ZNF385D: variants seen among roughly 807,000 people sequenced by gnomAD.
The protein encoded by ZNF385D is zinc finger protein 385D, also known as zinc finger protein 659.
ZNF385D carries 15 observed loss-of-function variants against 35.8 expected under a neutral mutation model. The observed-to-expected ratio is 0.42, with a 90% CI of 0.28 to 0.64. ZNF385D has a LOEUF of 0.64. ZNF385D is among the 30% of genes least tolerant of loss of function. The pLI is 0.23. For synonymous variants in ZNF385D, 212 were observed against 186.8 expected, an observed-to-expected ratio of 1.13 and a Z score of -1.10; for missense variants, 474 against 494.6, an observed-to-expected ratio of 0.96 and a Z score of 0.39.
chr3:22,210,806 C>G, intron 2 of ZNF385D, among the ~76,000 whole-genome samples: 1 of 149,594 alleles, frequency 6.7e-6, no homozygotes, highest in African/African-American at 2.5e-5. Flanking sequence ...ACTCTGGATC[C>G]ATGTACTTGA....
At chr3:21,802,035 G>C (rs776187448) in intron 3 of ZNF385D, among the ~76,000 whole-genome samples, 2 of 152,048 alleles carry the variant, frequency 1.3e-5, no homozygotes, top group Non-Finnish European at 2.9e-5. Context: ...ACTTTTATAG[G>C]AGACGGGGCA....
intron 1 of ZNF385D, among the ~76,000 whole-genome samples, chr3:21,733,278 A>T (rs2069099491): frequency 6.6e-6 from 1 of 152,012 alleles, no homozygotes; most frequent in Non-Finnish European, 1.5e-5. Flanking sequence ...CAATATCTTG[A>T]TTATTGTAGC....
At chr3:22,235,506 T>C (rs2125304705) in intron 2 of ZNF385D, among the ~76,000 whole-genome samples, 1 of 152,126 alleles carries the variant, frequency 6.6e-6, no homozygotes, top group Admixed American at 6.6e-5. Context: ...CCCAAAACAA[T>C]GCCAAAATGA....
At chr3:22,297,264 A>C (rs1042224743) in intron 2 of ZNF385D, among the ~76,000 whole-genome samples, 3 of 151,982 alleles carry the variant, frequency 2.0e-5, no homozygotes, top group Admixed American at 2.0e-4. Context: ...CCTATCATAC[A>C]TATGTCTGAA....
chr3:21,940,686 AAAAAT>A (rs1403801728), intron 3 of ZNF385D, among the ~76,000 whole-genome samples: 4 of 152,200 alleles, frequency 2.6e-5, no homozygotes, highest in Non-Finnish European at 4.4e-5. Flanking sequence ...AATGCTGTGA[AAAAAT>A]AAAAAGTATA....
chr3:22,090,085 T>C (rs1195903900), intron 3 of ZNF385D, among the ~76,000 whole-genome samples: 3 of 152,122 alleles, frequency 2.0e-5, no homozygotes, highest in African/African-American at 7.2e-5. Context: ...TGATCTACTT[T>C]CCTCGGCCTC....
rs367610990 is a variant in ZNF385D, at chr3:22,029,081, G to C, written c.325+139736C>G. Among the ~76,000 whole-genome samples the C allele has an allele frequency of 2.6e-4, 40 of 152,212 alleles. No homozygotes were observed. The South Asian group carries it at 8.1e-3, about 31-fold the overall frequency. ...CGTGACATTACATTCTGCTGGCCTAGAGGTCTTAGTTCCAGAGGGAGGAAC... is the reference window on the plus strand; with the variant it reads ...CGTGACATTACATTCTGCTGGCCTACAGGTCTTAGTTCCAGAGGGAGGAAC... On this transcript the variant is annotated intron_variant, in intron 3 of 5. Coordinates refer to the ZNF385D transcript ENST00000494108.
intron 3 of ZNF385D, among the ~76,000 whole-genome samples, chr3:22,146,429 G>C (rs1362347189): frequency 6.6e-6 from 1 of 152,018 alleles, no homozygotes; most frequent in Non-Finnish European, 1.5e-5. Flanking sequence ...GTTTTTGTTT[G>C]CTTTCCCCTT....
chr3:21,676,985 T>C (rs1009608596), intron 1 of ZNF385D, among the ~76,000 whole-genome samples: 1 of 152,026 alleles, frequency 6.6e-6, no homozygotes. Context: ...AAACTGCTTA[T>C]AGCCCCAGGT....
At chr3:22,364,532 A>T (rs180776202) in intron 2 of ZNF385D, among the ~76,000 whole-genome samples, 90 of 152,252 alleles carry the variant, frequency 5.9e-4, no homozygotes, top group African/African-American at 2.0e-3. Flanking sequence ...GAAAATATAA[A>T]TCAAAACTAC....
chr3:21,959,406 A>G (rs1702462301), intron 3 of ZNF385D, among the ~76,000 whole-genome samples: 1 of 152,176 alleles, frequency 6.6e-6, no homozygotes, highest in African/African-American at 2.4e-5. Flanking sequence ...AATAATTTAT[A>G]AAGCTGTAAA....
chr3:22,141,847 C>T (rs533653688), intron 3 of ZNF385D, among the ~76,000 whole-genome samples: 121 of 152,298 alleles, frequency 7.9e-4, no homozygotes, highest in African/African-American at 2.8e-3. Flanking sequence ...ATACCTTGAC[C>T]AAGGACAATT....
chr3:22,277,193 A>G (rs2125372524), intron 2 of ZNF385D, among the ~76,000 whole-genome samples: 1 of 152,278 alleles, frequency 6.6e-6, no homozygotes, highest in South Asian at 2.1e-4. Context: ...CAGGCAAGTA[A>G]GGGAAGCAAG....
At chr3:21,587,335 A>T (rs2063840968) in intron 2 of ZNF385D, among the ~76,000 whole-genome samples, 1 of 152,196 alleles carries the variant, frequency 6.6e-6, no homozygotes. Context: ...CAGCTGAAAA[A>T]TACAGGACAT....
chr3:21,695,769 A>G (rs1037799005), intron 1 of ZNF385D, among the ~76,000 whole-genome samples: 64 of 151,186 alleles, frequency 4.2e-4, no homozygotes, highest in Non-Finnish European at 6.3e-4. Flanking sequence ...ATATATATAT[A>G]TAAAGTTAAT....
intron 2 of ZNF385D, among the ~76,000 whole-genome samples, chr3:22,256,699 A>G (rs755438490): frequency 6.6e-6 from 1 of 151,938 alleles, no homozygotes; most frequent in Admixed American, 6.6e-5. Context: ...GACAATGTCT[A>G]TAACCAAAAT....
intron 3 of ZNF385D, among the ~76,000 whole-genome samples, chr3:21,982,013 T>C (rs899509526): frequency 1.1e-4 from 17 of 151,608 alleles, no homozygotes; most frequent in African/African-American, 4.1e-4. Flanking sequence ...TCCAGCTTTG[T>C]TCTTTGTGCT....
intron 2 of ZNF385D, among the ~76,000 whole-genome samples, chr3:21,587,127 G>A (rs6774627): frequency 0.65 from 99,160 of 152,028 alleles, 32,972 homozygotes; most frequent in Middle Eastern, 0.73. Flanking sequence ...ATTGGGACAC[G>A]CAGATGAATT....
At chr3:21,597,438 G>C (rs2125751151) in intron 2 of ZNF385D, among the ~76,000 whole-genome samples, 1 of 152,128 alleles carries the variant, frequency 6.6e-6, no homozygotes, top group East Asian at 1.9e-4. Context: ...TAAATATAAT[G>C]AATGGACACC....
Sources: allele counts gnomAD v4.1 joint callset (sites outside exome capture counted in the v4.1 genomes callset), GRCh38; gene constraint gnomAD v4.1.1; transcripts MANE v1.5; gene names NCBI Gene and HGNC (gene_info 2026-07-23, HGNC 2026-07-21).